The following SPDYA variants were observed in gnomAD, a reference collection of about 807,000 sequenced individuals.
SPDYA encodes speedy/RINGO cell cycle regulator family member A, also known as speedy protein A.
In SPDYA, 11 loss-of-function variants were observed where a neutral mutation model predicts 36.7. The ratio of observed to expected loss-of-function variants is 0.30; its 90% CI spans 0.19 to 0.50. The LOEUF is 0.50. Ranked by LOEUF, SPDYA falls within the 20% of genes least tolerant of loss-of-function variation. SPDYA has a pLI of 0.98. For missense variants in SPDYA, 287 were observed against 370.9 expected (o/e 0.77, Z 1.86); for synonymous variants, 115 against 118.7 (o/e 0.97, Z 0.20).
intron 4 of SPDYA, among the ~76,000 whole-genome samples, chr2:28,821,390 T>TG (rs1006180837): frequency 2.6e-5 from 4 of 151,746 alleles, no homozygotes; most frequent in African/African-American, 9.7e-5. Flanking sequence ...TTAGTAGAGA[T>TG]GGGGGTTTTA....
At chr2:28,844,141 T>C (rs993419121) in intron 7 of SPDYA, among the ~76,000 whole-genome samples, 11 of 152,258 alleles carry the variant, frequency 7.2e-5, no homozygotes, top group African/African-American at 2.7e-4. Flanking sequence ...TTTAAAATTC[T>C]TACACTTAAT....
chr2:28,824,553 C>CTTTTTTTTTTTTTTCTTTTT (rs780274293), intron 5 of SPDYA, among the ~76,000 whole-genome samples: 1 of 133,298 alleles, frequency 7.5e-6, no homozygotes, highest in Non-Finnish European at 1.6e-5. Context: ...TTCTTTCTTT[C>CTTTTTTTTTTTTTTCTTTTT]TTTTTTTTTT....
intron 2 of SPDYA, 45 bp from the exon 3 acceptor site, chr2:28,815,952 G>T: frequency 1.6e-6 from 2 of 1,284,904 alleles, no homozygotes; most frequent in East Asian, 2.3e-5. Flanking sequence ...GTTTATATAT[G>T]AAATGAATGT....
intron 4 of SPDYA, among the ~76,000 whole-genome samples, chr2:28,822,045 T>G (rs1392391398): frequency 7.9e-5 from 12 of 152,198 alleles, no homozygotes; most frequent in Non-Finnish European, 1.6e-4. Context: ...GGTTTGAAAT[T>G]TAAATTAGAT....
Position 28,850,200 on chromosome 2 carries a change from CAGTTA to C in SPDYA, c.*264_*268del, listed in dbSNP as rs1669011208. The C allele has an allele frequency of 1.9e-6, 3 of 1,610,874 alleles. No homozygotes were observed. Among genetic ancestry groups the C allele is most frequent in the African/African-American group, 2.7e-5 (2 of 74,828 alleles). Reference sequence around the variant, plus strand: ...GTCAGTTACTGTCATCTGGAGTACTCAGTTAAGTTGTGGTTTGACCTTCCTCAACT... The same window carrying C: ...GTCAGTTACTGTCATCTGGAGTACTCAGTTGTGGTTTGACCTTCCTCAACT... On this transcript the variant is annotated 3_prime_UTR_variant, in exon 8 of 8. Transcript: ENST00000334056.
intron 7 of SPDYA, among the ~76,000 whole-genome samples, chr2:28,843,002 A>C (rs1184300677): frequency 3.7e-5 from 1 of 26,780 alleles, no homozygotes; most frequent in Non-Finnish European, 1.1e-4. Context: ...CAAGAAAGAC[A>C]CAAAAGTTTA....
chr2:28,838,093 A>T (rs1002173061), intron 6 of SPDYA, among the ~76,000 whole-genome samples: 1 of 151,766 alleles, frequency 6.6e-6, no homozygotes, highest in African/African-American at 2.4e-5. Context: ...GCATTGGGGG[A>T]CTGAAAGTGA....
intron 7 of SPDYA, among the ~76,000 whole-genome samples, chr2:28,845,249 C>CTTTTTTTT (rs372229883): frequency 7.5e-6 from 1 of 132,574 alleles, no homozygotes; most frequent in Non-Finnish European, 1.6e-5. Flanking sequence ...CCATGCCCAG[C>CTTTTTTTT]TTTTTTTTTT....
At chr2:28,839,941 C>T (rs1274940786) in intron 6 of SPDYA, among the ~76,000 whole-genome samples, 1 of 152,110 alleles carries the variant, frequency 6.6e-6, no homozygotes, top group Non-Finnish European at 1.5e-5. Flanking sequence ...TGCTTCAGTC[C>T]TATTTCCTGT....
At chr2:28,813,924 T>A (rs1667918724) in intron 1 of SPDYA, among the ~76,000 whole-genome samples, 1 of 152,154 alleles carries the variant, frequency 6.6e-6, no homozygotes, top group Non-Finnish European at 1.5e-5. Context: ...GTCTCCCAGA[T>A]GAGGTGGGCA....
At chr2:28,844,155 G>C (rs1668816062) in intron 7 of SPDYA, among the ~76,000 whole-genome samples, 1 of 152,084 alleles carries the variant, frequency 6.6e-6, no homozygotes, top group South Asian at 2.1e-4. Context: ...ACTTAATGAA[G>C]GTATAATTAG....
intron 3 of SPDYA, among the ~76,000 whole-genome samples, chr2:28,818,340 G>C (rs950086807): frequency 6.6e-6 from 1 of 151,488 alleles, no homozygotes; most frequent in African/African-American, 2.4e-5. Flanking sequence ...GGTGGCATAT[G>C]CACCTGTAGT....
intron 5 of SPDYA, among the ~76,000 whole-genome samples, chr2:28,827,159 C>A (rs1218446561): frequency 6.6e-6 from 1 of 151,754 alleles, no homozygotes; most frequent in Non-Finnish European, 1.5e-5. Context: ...CCAGGATGGT[C>A]TCAATCTCCT....
chr2:28,850,174 A>G lies in SPDYA; in HGVS notation c.*233A>G, dbSNP rs781714265. ...CTATTTTGATATTTTTCCATCTTCA[A>G]GTCAGTTACTGTCATCTGGAGTACT... On this transcript the variant is annotated 3_prime_UTR_variant, in exon 8 of 8. Coordinates refer to ENST00000334056, the MANE Select transcript of SPDYA (RefSeq NM_182756.4). The G allele has an allele frequency of 6.9e-6, 11 of 1,596,112 alleles. No homozygotes were observed. In the South Asian group the frequency reaches 1.2e-4, roughly 18 times the overall value.
At chr2:28,848,828 G>C (rs1432254345) in intron 7 of SPDYA, among the ~76,000 whole-genome samples, 4 of 152,090 alleles carry the variant, frequency 2.6e-5, no homozygotes, top group Non-Finnish European at 5.9e-5. Context: ...AGGACTGCTT[G>C]AGCTTCGGAG....
At position 28,829,219 on chromosome 2, in the gene SPDYA, A is replaced by G; in HGVS notation, c.452A>G (p.Lys151Arg). 1 of 1,614,086 alleles carries G rather than the reference A, an allele frequency of 6.2e-7. No homozygotes were observed. Among genetic ancestry groups the G allele is most frequent in the Non-Finnish European group, 8.5e-7 (1 of 1,179,990 alleles). The change falls in exon 6 of 8, where the codon AAA becomes AGA. Residue 151 changes from lysine (K) to arginine (R), a missense_variant. Transcript: ENST00000334056. ...KYEIFPWALGKNWRKLFPNFL... is the reference protein window; with the variant it reads ...KYEIFPWALGRNWRKLFPNFL... ...GAAATTTTTCCATGGGCTTTAGGGA[A>G]AAACTGGAGAAAATTGTTCCCTAAT... is the stretch of plus-strand genomic sequence containing the variant.
intron 7 of SPDYA, chr2:28,840,702 AC>A (rs1305661345): frequency 8.2e-7 from 1 of 1,223,358 alleles, no homozygotes; most frequent in Non-Finnish European, 1.0e-6. Flanking sequence ...AAACTAATGC[AC>A]CATAAGCCTC....
chr2:28,827,559 C>T lies in SPDYA; in HGVS notation c.381-1589C>T, dbSNP rs948323924. 2.9e-4 allele frequency among the ~76,000 whole-genome samples: 44 copies of T among 151,938 alleles called. 1 individual carries two copies. The highest frequency in any genetic ancestry group is 2.8e-3 in the Admixed American group (42 of 15,246). ...TTTTTATTGTAAGTTGCCTGTTTTT[C>T]TTGGAAAGTCATCTGTGAGACTTGT... On this transcript the variant is annotated intron_variant, in intron 5 of 7. Coordinates refer to ENST00000334056, the MANE Select transcript of SPDYA (RefSeq NM_182756.4).
At chr2:28,816,389 TG>T (rs1295230474) in intron 3 of SPDYA, 140 bp downstream of exon 3, 41 of 688,910 alleles carry the variant, frequency 6.0e-5, no homozygotes, top group Non-Finnish European at 8.7e-5. Context: ...AATTTGTTTT[TG>T]TTTTACTTAG....
Sources: allele counts gnomAD v4.1 joint callset (sites outside exome capture counted in the v4.1 genomes callset), GRCh38; gene constraint gnomAD v4.1.1; transcripts MANE v1.5; gene names NCBI Gene and HGNC (gene_info 2026-07-23, HGNC 2026-07-21).